Variants in NELL2 observed in about 807,000 individuals in gnomAD.
NELL2 encodes the protein neural EGFL like 2, also known as protein kinase C-binding protein NELL2.
A neutral mutation model predicts 109.6 loss-of-function variants in NELL2; 41 were observed. The ratio of observed to expected loss-of-function variants is 0.37; its 90% confidence interval spans 0.29 to 0.49. The LOEUF is 0.49. NELL2 is among the 20% of genes least tolerant of loss of function. The pLI, the probability that NELL2 is intolerant of heterozygous loss-of-function variation, is 0.98. For synonymous variants in NELL2, 355 were observed against 344.7 expected (o/e 1.03, Z -0.33); for missense variants, 900 against 1,008.3 (o/e 0.89, Z 1.45).
intron 12 of NELL2, among the ~76,000 whole-genome samples, chr12:44,692,116 T>C (rs1428105605): frequency 6.6e-6 from 1 of 152,176 alleles, no homozygotes; most frequent in Non-Finnish European, 1.5e-5. Flanking sequence ...CAATGCTGGC[T>C]TCATAGTTTC....
chr12:44,625,310 C>T (rs1231908010), intron 13 of NELL2, among the ~76,000 whole-genome samples: 1 of 151,650 alleles, frequency 6.6e-6, no homozygotes, highest in African/African-American at 2.4e-5. Flanking sequence ...ATTTTTATAC[C>T]CTTATTAACA....
intron 15 of NELL2, among the ~76,000 whole-genome samples, chr12:44,580,236 G>C (rs144895942): frequency 6.6e-6 from 1 of 152,026 alleles, no homozygotes; most frequent in Non-Finnish European, 1.5e-5. Context: ...TCTGTTATGG[G>C]TTCATCAGAA....
intron 9 of NELL2, among the ~76,000 whole-genome samples, chr12:44,741,933 G>A (rs1939996073): frequency 6.6e-6 from 1 of 152,200 alleles, no homozygotes. Flanking sequence ...AGACTTAAAT[G>A]TCCCTGTCGG....
At chr12:44,783,216 C>A in intron 3 of NELL2, among the ~76,000 whole-genome samples, 1 of 147,776 alleles carries the variant, frequency 6.8e-6, no homozygotes, top group South Asian at 2.2e-4. Context: ...TCAAAAATTG[C>A]CAAAAAAACA....
chr12:44,891,490 C>T lies in NELL2; in HGVS notation c.39-15590G>A, dbSNP rs540464138. ...CTGCTGGAGCTCGGACCCAATGGGG[C>T]CATGTTCCTTACAAGTTAAGATCTT... On this transcript the variant is annotated intron_variant, in intron 1 of 20. Coordinates refer to the NELL2 transcript ENST00000333837. 2.6e-5 allele frequency among the ~76,000 whole-genome samples: 4 copies of T among 152,192 alleles called. No homozygotes were observed. In the South Asian group the frequency reaches 8.3e-4, roughly 32 times the overall value.
chr12:44,755,082 A>G (rs1940824479), intron 9 of NELL2, among the ~76,000 whole-genome samples: 1 of 152,012 alleles, frequency 6.6e-6, no homozygotes, highest in Non-Finnish European at 1.5e-5. Context: ...TCACTGCCAA[A>G]CTCACTCAGT....
chr12:44,700,386 C>T (rs1949193284), intron 12 of NELL2, among the ~76,000 whole-genome samples: 1 of 152,130 alleles, frequency 6.6e-6, no homozygotes, highest in Non-Finnish European at 1.5e-5. Flanking sequence ...CTTTAATTAG[C>T]TGTCCCTTGT....
chr12:44,656,335 A>T (rs1947499409), intron 13 of NELL2, among the ~76,000 whole-genome samples: 1 of 152,154 alleles, frequency 6.6e-6, no homozygotes, highest in South Asian at 2.1e-4. Context: ...TTAAGCCCCT[A>T]TTCACAGGTA....
chr12:44,857,574 A>T (rs116238572), intron 2 of NELL2, among the ~76,000 whole-genome samples: 3 of 152,322 alleles, frequency 2.0e-5, no homozygotes, highest in African/African-American at 7.2e-5. Flanking sequence ...CGCCAAGGTT[A>T]TCCAGACAGA....
At chr12:44,802,690 A>T (rs1195454008) in intron 3 of NELL2, among the ~76,000 whole-genome samples, 37 of 151,986 alleles carry the variant, frequency 2.4e-4, no homozygotes, top group Non-Finnish European at 5.9e-5. Context: ...AATAATACGT[A>T]AAAAAAGTTT....
rs145687612 is a variant in NELL2, at chr12:44,741,091, CT to C, written c.995-26351del. 7.4e-3 allele frequency among the ~76,000 whole-genome samples: 1,124 copies of C among 152,260 alleles called. 8 individuals carry two copies. The highest frequency in any genetic ancestry group is 0.021 in the African/African-American group (882 of 41,526). ...TTCCATTCTGCAACCCCTGGGACAG[CT>C]GGACGAACTCTTCCTCCTATTCCTC... On this transcript the variant is annotated intron_variant, in intron 9 of 19. Transcript: ENST00000429094.
At chr12:44,921,100 T>A (rs1455947437) in intron 1 of NELL2, among the ~76,000 whole-genome samples, 1 of 152,136 alleles carries the variant, frequency 6.6e-6, no homozygotes, top group Non-Finnish European at 1.5e-5. Context: ...AGAGCACCCA[T>A]GAGAGAGGCT....
intron 1 of NELL2, among the ~76,000 whole-genome samples, chr12:44,911,982 T>A (rs1159549329): frequency 2.0e-5 from 3 of 150,430 alleles, no homozygotes; most frequent in Non-Finnish European, 4.4e-5. Context: ...TAATAAAATT[T>A]AAAAAAATAA....
chr12:44,847,190 C>T (rs996029529), intron 2 of NELL2, among the ~76,000 whole-genome samples: 4 of 152,184 alleles, frequency 2.6e-5, no homozygotes, highest in African/African-American at 9.7e-5. Context: ...CAGCAACTCA[C>T]CCCATGCCAA....
At chr12:44,537,056 A>G (rs1400229093) in intron 15 of NELL2, among the ~76,000 whole-genome samples, 1 of 151,990 alleles carries the variant, frequency 6.6e-6, no homozygotes, top group Non-Finnish European at 1.5e-5. Flanking sequence ...TAGAAAAAAA[A>G]AAACAAGCTC....
At chr12:44,760,457 A>G (rs1478333518) in intron 9 of NELL2, among the ~76,000 whole-genome samples, 1 of 152,310 alleles carries the variant, frequency 6.6e-6, no homozygotes, top group Non-Finnish European at 1.5e-5. Flanking sequence ...ATTTTTAAAA[A>G]GACGAGTGAT....
intron 15 of NELL2, among the ~76,000 whole-genome samples, chr12:44,570,313 T>TGA (rs1397315419): frequency 6.6e-6 from 1 of 152,062 alleles, no homozygotes; most frequent in East Asian, 1.9e-4. Context: ...AGAAACATTG[T>TGA]GAGAGGGATT....
intron 16 of NELL2, among the ~76,000 whole-genome samples, chr12:44,529,045 A>G (rs1941931195): frequency 6.6e-6 from 1 of 152,196 alleles, no homozygotes; most frequent in African/African-American, 2.4e-5. Context: ...TGAACAGAGG[A>G]GTAACATGAT....
chr12:44,725,599 A>G (rs1480127318), intron 9 of NELL2, among the ~76,000 whole-genome samples: 1 of 152,232 alleles, frequency 6.6e-6, no homozygotes, highest in Non-Finnish European at 1.5e-5. Context: ...ACATGGAATC[A>G]ACATAAATGC....
Sources: allele counts gnomAD v4.1 joint callset (sites outside exome capture counted in the v4.1 genomes callset), GRCh38; gene constraint gnomAD v4.1.1; transcripts MANE v1.5; gene names NCBI Gene and HGNC (gene_info 2026-07-23, HGNC 2026-07-21).